The following EIF3D variants were observed in gnomAD, a reference collection of about 807,000 sequenced individuals.
EIF3D encodes eIF3 p66.
In EIF3D, 10 loss-of-function variants were observed where a neutral mutation model predicts 75.4. The observed-to-expected ratio is 0.13, with a 90% CI of 0.08 to 0.22. EIF3D has a LOEUF of 0.22. Among genes scored for constraint, EIF3D ranks in the 10% least tolerant of loss-of-function variants. The probability of loss-of-function intolerance (pLI) is 1.00; values close to 1 mark genes in which losing one functional copy is unlikely to be tolerated. For missense variants in EIF3D, 394 were observed against 708.0 expected, an observed-to-expected ratio of 0.56 and a Z score of 5.03; for synonymous variants, 246 against 248.3, an observed-to-expected ratio of 0.99 and a Z score of 0.09.
intron 6 of EIF3D, 51 bp from the exon 7 acceptor site, chr22:36,520,739 A>G (rs1934500057): frequency 3.7e-6 from 5 of 1,345,106 alleles, no homozygotes; most frequent in Non-Finnish European, 5.3e-6. Context: ...CATACAAAAC[A>G]TAAATAAAAG....
intron 12 of EIF3D, among the ~76,000 whole-genome samples, chr22:36,514,509 C>A (rs1934392152): frequency 6.6e-6 from 1 of 152,186 alleles, no homozygotes; most frequent in Non-Finnish European, 1.5e-5. Context: ...CCGTATGAGT[C>A]TCTTAAATCT....
At chr22:36,513,059 G>A in intron 12 of EIF3D, 1 of 155,180 alleles carries the variant, frequency 6.4e-6, no homozygotes, top group South Asian at 2.0e-4. Flanking sequence ...GGCAGAGTTG[G>A]CCTTAGATGG....
chr22:36,521,828 C>T (rs62230010), intron 6 of EIF3D, among the ~76,000 whole-genome samples: 3,480 of 151,004 alleles, frequency 0.023, 68 homozygotes, highest in Non-Finnish European at 0.037. Context: ...TCCTAGCTAC[C>T]TGGGAGGCTG....
At chr22:36,513,246 T>C (rs537308781) in intron 12 of EIF3D, among the ~76,000 whole-genome samples, 304 of 152,348 alleles carry the variant, frequency 2.0e-3, no homozygotes, top group Middle Eastern at 0.01. Flanking sequence ...TCCCAAACTT[T>C]CTTGGTTCAT....
intron 1 of EIF3D, among the ~76,000 whole-genome samples, chr22:36,527,284 C>T (rs1277497811): frequency 6.6e-6 from 1 of 152,178 alleles, no homozygotes; most frequent in Non-Finnish European, 1.5e-5. Flanking sequence ...CCGCACTCTC[C>T]AGATAAGAAA....
At chr22:36,524,946 T>C (rs1934572398) in intron 3 of EIF3D, among the ~76,000 whole-genome samples, 1 of 152,174 alleles carries the variant, frequency 6.6e-6, no homozygotes, top group Admixed American at 6.5e-5. Flanking sequence ...GCACATTCAA[T>C]TTTGAACAAC....
intron 1 of EIF3D, chr22:36,528,593 C>CGGGGGGGGGG (rs1348791641): frequency 3.3e-5 from 4 of 119,730 alleles, no homozygotes; most frequent in African/African-American, 2.1e-4. Flanking sequence ...CATCGCTGAA[C>CGGGGGGGGGG]AGGGGGTGGG....
chr22:36,516,845 C>T (rs1934436144), intron 10 of EIF3D, 55 bp from the exon 11 acceptor site: 2 of 1,523,834 alleles, frequency 1.3e-6, no homozygotes, highest in Non-Finnish European at 9.1e-7. Context: ...AAGGCCAAGG[C>T]CAATCAGTCA....
At chr22:36,514,611 T>C (rs1055173591) in intron 12 of EIF3D, among the ~76,000 whole-genome samples, 1 of 152,080 alleles carries the variant, frequency 6.6e-6, no homozygotes, top group African/African-American at 2.4e-5. Context: ...GAGGGGGCCA[T>C]GTGACAAGGA....
chr22:36,516,426 T>C, intron 12 of EIF3D, 52 bp downstream of exon 12: 1 of 1,593,928 alleles, frequency 6.3e-7, no homozygotes, highest in Non-Finnish European at 8.6e-7. Flanking sequence ...ACAGGCACTG[T>C]AGGGAATAGA....
At chr22:36,524,839 T>C (rs1300691056) in intron 3 of EIF3D, 107 bp from the exon 4 acceptor site, 13 of 1,437,748 alleles carry the variant, frequency 9.0e-6, no homozygotes, top group South Asian at 1.2e-5. Flanking sequence ...ACCTGTAGCA[T>C]TGGCTGAAAG....
chr22:36,519,001 A>G (rs1425466969), intron 8 of EIF3D, 91 bp from the exon 9 acceptor site: 33 of 1,508,130 alleles, frequency 2.2e-5, no homozygotes, highest in Non-Finnish European at 2.8e-5. Context: ...TTTGCTGACC[A>G]CATAAATCCT....
In EIF3D at chr22:36,526,068, G is replaced by C; in HGVS notation, c.54C>G (p.Pro18=). The change falls in exon 2 of 15, where the codon CCC becomes CCG. Residue 18 remains proline, a synonymous_variant. Transcript: ENST00000216190. ...CCCGAAACTGCTCGGGAACCGCACA[G>C]GGACCCCAGCCTGAGGGGTTGTCCT... The part of the protein sequence containing the change: ...VIQDNPSGWG[P]CAVPEQFRDM... 6.2e-7 allele frequency: 1 copy of C among 1,613,616 alleles called. No individual in the cohort carries two copies. The highest frequency in any genetic ancestry group is 8.5e-7 in the Non-Finnish European group (1 of 1,179,768).
At chr22:36,526,178 G>C in intron 1 of EIF3D, 47 bp from the exon 2 acceptor site, 1 of 1,533,438 alleles carries the variant, frequency 6.5e-7, no homozygotes, top group Non-Finnish European at 8.8e-7. Flanking sequence ...GAAGGCCTCA[G>C]AGTACAAAAC....
chr22:36,511,828 CAG>C (rs1568997199), intron 13 of EIF3D, 42 bp from the exon 14 acceptor site: 2 of 1,591,194 alleles, frequency 1.3e-6, no homozygotes, highest in African/African-American at 2.7e-5. Flanking sequence ...CAGGGCAGCA[CAG>C]AGACAGCAAC....
Position 36,518,494 on chromosome 22 carries a change from T to TAA in EIF3D, c.859+267_859+268dup, listed in dbSNP as rs66811304. 3.1e-3 allele frequency among the ~76,000 whole-genome samples: 450 copies of TAA among 144,710 alleles called. 1 individual carries two copies. The highest frequency in any genetic ancestry group is 6.9e-3 in the African/African-American group (272 of 39,180). The allele number at this position is 144,710 out of a possible 152,430, so 94.9% of individuals were successfully genotyped here. On this transcript the variant is annotated intron_variant, in intron 9 of 14. Transcript: ENST00000216190. The stretch of plus-strand genomic sequence containing the variant: ...ACAGAGTGAGACTCTCTGTCTCAAT[T>TAA]AAAAAAAAAAAAAAACAACAAAAAA...
At chr22:36,525,540 A>G in intron 3 of EIF3D, 124 bp downstream of exon 3, 1 of 1,130,432 alleles carries the variant, frequency 8.8e-7, no homozygotes, top group Non-Finnish European at 1.3e-6. Flanking sequence ...ATACATCCCT[A>G]AAAGTTATGA....
chr22:36,520,003 A>G (rs117467252), intron 7 of EIF3D, among the ~76,000 whole-genome samples: 3 of 152,348 alleles, frequency 2.0e-5, no homozygotes, highest in Non-Finnish European at 4.4e-5. Flanking sequence ...TCAGGATGCC[A>G]GGAAACAGAA....
At chr22:36,527,933 T>G (rs533502733) in intron 1 of EIF3D, among the ~76,000 whole-genome samples, 70 of 152,292 alleles carry the variant, frequency 4.6e-4, no homozygotes, top group African/African-American at 1.6e-3. Flanking sequence ...GAGATGACAT[T>G]TGGGTGACAG....
Sources: gnomAD v4.1 joint callset for allele counts (sites outside exome capture counted in the v4.1 genomes callset) on GRCh38, gnomAD v4.1.1 for gene constraint, MANE v1.5 for transcripts, NCBI Gene and HGNC (gene_info 2026-07-23, HGNC 2026-07-21) for gene names.